The following MYOCD variants were observed in gnomAD, a reference collection of about 807,000 sequenced individuals.
The protein encoded by MYOCD is myocardin.
MYOCD carries 32 observed loss-of-function variants against 96.1 expected under a neutral mutation model. That is an observed-to-expected ratio of 0.33 (90% CI 0.25 to 0.45). MYOCD has a LOEUF of 0.45. Ranked by LOEUF, MYOCD falls within the 20% of genes least tolerant of loss-of-function variation. MYOCD has a pLI of 1.00. For synonymous variants in MYOCD, 469 were observed against 469.0 expected (o/e 1.00, Z 0.00); for missense variants, 1,133 against 1,200.6 (o/e 0.94, Z 0.83).
chr17:12,673,048 T>G (rs1882296593), intron 1 of MYOCD, among the ~76,000 whole-genome samples: 1 of 152,154 alleles, frequency 6.6e-6, no homozygotes, highest in African/African-American at 2.4e-5. Flanking sequence ...ATATCCTCAT[T>G]TCACAGATGA....
chr17:12,725,718 C>G (rs1167445584), intron 5 of MYOCD, among the ~76,000 whole-genome samples: 1 of 151,236 alleles, frequency 6.6e-6, no homozygotes, highest in Non-Finnish European at 1.5e-5. Context: ...GTTATAATGT[C>G]TTATATTGAT....
At chr17:12,676,593 C>G (rs1910073533) in intron 1 of MYOCD, among the ~76,000 whole-genome samples, 1 of 151,760 alleles carries the variant, frequency 6.6e-6, no homozygotes, top group South Asian at 2.1e-4. Flanking sequence ...TTAACAATAC[C>G]ATATTTGCAT....
rs906048532 is a variant in MYOCD, at chr17:12,765,736, G to A, written c.*2092G>A. On this transcript the variant is annotated 3_prime_UTR_variant, in exon 14 of 14. Coordinates refer to ENST00000425538, the MANE Select transcript of MYOCD (RefSeq NM_001146312.3). The stretch of plus-strand genomic sequence containing the variant: ...CGTTGCCTCTCTGTGTATGACTAAC[G>A]GCTCCAACCCGATGACTCACAGCTA... The A allele has an allele frequency of 2.0e-5, 3 of 152,118 alleles. No individual in the cohort carries two copies. Among genetic ancestry groups the A allele is most frequent in the Admixed American group, 1.3e-4 (2 of 15,274 alleles). 9.4% of individuals were successfully genotyped at this position (152,118 alleles called of 1,614,324 possible).
chr17:12,714,344 C>CACACAT (rs2031571735), intron 2 of MYOCD, among the ~76,000 whole-genome samples: 2 of 151,524 alleles, frequency 1.3e-5, no homozygotes, highest in Admixed American at 1.3e-4. Context: ...CACACACACA[C>CACACAT]ACACACACAC....
In MYOCD at chr17:12,764,668, C is replaced by A. The variant is rs931474712; in HGVS notation, c.*1024C>A. On this transcript the variant is annotated 3_prime_UTR_variant, in exon 14 of 14. Transcript: ENST00000425538. ...ACTTCTCCTTTTGTTTTGTTATTATCAGTTTATCTTTCTCCCACTCCACTT... is the reference window on the plus strand; with the variant it reads ...ACTTCTCCTTTTGTTTTGTTATTATAAGTTTATCTTTCTCCCACTCCACTT... 1 of 152,192 alleles carries A rather than the reference C, an allele frequency of 6.6e-6. No individual in the cohort carries two copies. The highest frequency in any genetic ancestry group is 2.4e-5 in the African/African-American group (1 of 41,458). 9.4% of individuals were successfully genotyped at this position (152,192 alleles called of 1,614,324 possible).
At position 12,752,607 on chromosome 17, in the gene MYOCD, G is replaced by C; in HGVS notation, c.1319G>C (p.Ser440Thr). 1 of 1,614,074 alleles carries C rather than the reference G, an allele frequency of 6.2e-7. No individual in the cohort carries two copies. Among genetic ancestry groups the C allele is most frequent in the Non-Finnish European group, 8.5e-7 (1 of 1,180,008 alleles). The change falls in exon 10 of 14, where the codon AGT (serine) becomes ACT (threonine). Residue 440 changes from serine to threonine, a missense_variant. Ser to Thr is a moderately conservative substitution (Grantham distance 58, BLOSUM62 1). Coordinates refer to ENST00000425538, the MANE Select transcript of MYOCD (RefSeq NM_001146312.3). ...LPNYQSSSST[S>T]ALSNGFYHFG... is the part of the protein sequence containing the mutation. ...AATTACCAGTCTTCCTCTTCTACCAGTGCCCTGTCCAACGGCTTCTACCAC... is the reference window on the plus strand; with the variant it reads ...AATTACCAGTCTTCCTCTTCTACCACTGCCCTGTCCAACGGCTTCTACCAC...
At chr17:12,718,129 T>C (rs1164850589) in intron 4 of MYOCD, among the ~76,000 whole-genome samples, 1 of 152,112 alleles carries the variant, frequency 6.6e-6, no homozygotes, top group Non-Finnish European at 1.5e-5. Flanking sequence ...CTGTATTGGG[T>C]GTCTGCTAGG....
chr17:12,714,961 C>T (rs979205154), intron 2 of MYOCD, among the ~76,000 whole-genome samples: 2 of 152,144 alleles, frequency 1.3e-5, no homozygotes, highest in Non-Finnish European at 2.9e-5. Context: ...TTCCCTGTCT[C>T]CAAGGTTCCT....
intron 5 of MYOCD, among the ~76,000 whole-genome samples, chr17:12,734,586 C>A (rs2032285103): frequency 1.5e-5 from 2 of 137,050 alleles, no homozygotes. Context: ...TCTCTGCTGA[C>A]TGCAACCACT....
chr17:12,666,230 C>A lies in MYOCD; in HGVS notation c.42C>A (p.Ser14Arg), dbSNP rs1435042772. 6.2e-7 allele frequency: 1 copy of A among 1,612,500 alleles called. No individual in the cohort carries two copies. Residue 14 changes from serine (S) to arginine (R), a missense_variant, in exon 1 of 14, where the codon AGC becomes AGA. Physicochemically the swap from Ser to Arg is moderately radical, Grantham distance 110. Coordinates refer to ENST00000425538, the MANE Select transcript of MYOCD (RefSeq NM_001146312.3). ...CTGAGCATTCCTTGCTGATTAGGAG[C>A]AAGTTCAGATCAGGTAGGGCTAAGG... ...LGSEHSLLIR[S>R]KFRSVLQLRL...
At position 12,754,309 on chromosome 17, in the gene MYOCD, G is replaced by A. The variant is rs185927208; in HGVS notation, c.2058+963G>A. Among the ~76,000 whole-genome samples the A allele has an allele frequency of 3.7e-3, 570 of 152,216 alleles. 1 individual carries two copies. The highest frequency in any genetic ancestry group is 6.8e-3 in the Middle Eastern group (2 of 294). On this transcript the variant is annotated intron_variant, in intron 10 of 13. Coordinates refer to ENST00000425538, the MANE Select transcript of MYOCD (RefSeq NM_001146312.3). ...AGTAGAGACAGAGTTTCACCATGTT[G>A]GCCAGGCTGGTCTCTAACTCCTGAC...
chr17:12,752,788 C>T lies in MYOCD; in HGVS notation c.1500C>T (p.Ser500=), dbSNP rs753360596. The T allele has an allele frequency of 6.2e-7, 1 of 1,613,932 alleles. No homozygotes were observed. The highest frequency in any genetic ancestry group is 8.5e-7 in the Non-Finnish European group (1 of 1,180,006). The change falls in exon 10 of 14, where the codon AGC becomes AGT. Residue 500 remains serine (S), a synonymous_variant. Transcript: ENST00000425538. ...HVCTEESLMS[S]LNGGSVPSEL... is the part of the protein sequence containing the mutation. ...GCACGGAGGAAAGTCTCATGAGCAG[C>T]CTGAATGGGGGCTCTGTTCCTTCTG...
At position 12,763,235 on chromosome 17, in the gene MYOCD, G is replaced by A. The variant is rs2033236559; in HGVS notation, c.2552G>A (p.Ser851Asn). ...QIPFDPYATD[S>N]DEHLEVLLNS... is the part of the protein sequence containing the mutation. ...CCCTTTGATCCCTATGCCACCGACAGTGATGAGCATCTTGAAGTCTTATTA... is the reference window on the plus strand; with the variant it reads ...CCCTTTGATCCCTATGCCACCGACAATGATGAGCATCTTGAAGTCTTATTA... Residue 851 changes from serine to asparagine, a missense_variant, in exon 14 of 14, where the codon AGT (serine) becomes AAT (asparagine). By Grantham distance (46) the Ser-to-Asn change is conservative (BLOSUM62 1). Coordinates refer to ENST00000425538, the MANE Select transcript of MYOCD (RefSeq NM_001146312.3). The A allele has an allele frequency of 1.2e-6, 2 of 1,614,028 alleles. No homozygotes were observed. Among genetic ancestry groups the A allele is most frequent in the Middle Eastern group, 1.6e-4 (1 of 6,084 alleles).
At chr17:12,695,971 T>C (rs1368933938) in intron 1 of MYOCD, among the ~76,000 whole-genome samples, 1 of 152,094 alleles carries the variant, frequency 6.6e-6, no homozygotes, top group Non-Finnish European at 1.5e-5. Context: ...CTTATCTCAC[T>C]CAGCATCATG....
intron 2 of MYOCD, 47 bp from the exon 3 acceptor site, chr17:12,715,472 A>G (rs1255875860): frequency 1.9e-6 from 3 of 1,565,006 alleles, no homozygotes; most frequent in Non-Finnish European, 2.6e-6. Flanking sequence ...ATACAGACCA[A>G]TGCCCTTAAC....
Position 12,666,036 on chromosome 17 carries a change from C to G in MYOCD, c.-153C>G, listed in dbSNP as rs1284421413. Reference sequence around the variant, plus strand: ...GGGAGGCGCCAGTTTTCTGGGGACACTGGCTGCCACTGTACTCCTACCCAG... The same window carrying G: ...GGGAGGCGCCAGTTTTCTGGGGACAGTGGCTGCCACTGTACTCCTACCCAG... On this transcript the variant is annotated 5_prime_UTR_variant, in exon 1 of 14. Coordinates refer to ENST00000425538, the MANE Select transcript of MYOCD (RefSeq NM_001146312.3). 4 of 571,158 alleles carry G rather than the reference C, an allele frequency of 7.0e-6. No homozygotes were observed. The highest frequency in any genetic ancestry group is 5.7e-5 in the African/African-American group (3 of 52,242). 35.4% of individuals were successfully genotyped at this position (571,158 alleles called of 1,614,324 possible).
chr17:12,717,626 G>A (rs1478221097), intron 4 of MYOCD, among the ~76,000 whole-genome samples: 1 of 152,226 alleles, frequency 6.6e-6, no homozygotes, highest in East Asian at 1.9e-4. Context: ...GCGGGTTAGA[G>A]ACTTGGGCTC....
In MYOCD at chr17:12,754,433, G is replaced by A. The variant is rs557275350; in HGVS notation, c.2058+1087G>A. ...TTGCAACTTTAAATAGAAGAGCCAG[G>A]GACGTTTAGCAAAACCTTGAAAGCA... On this transcript the variant is annotated intron_variant, in intron 10 of 13. Transcript: ENST00000425538. 2.9e-4 allele frequency among the ~76,000 whole-genome samples: 44 copies of A among 152,264 alleles called. No homozygotes were observed. The South Asian group carries it at 8.7e-3, about 30-fold the overall frequency.
intron 6 of MYOCD, among the ~76,000 whole-genome samples, chr17:12,737,399 A>G (rs1015526548): frequency 3.9e-5 from 6 of 152,234 alleles, no homozygotes; most frequent in South Asian, 4.1e-4. Flanking sequence ...AGTAGGTATC[A>G]TCGAGGTTGA....
Sources: allele counts gnomAD v4.1 joint callset (sites outside exome capture counted in the v4.1 genomes callset), GRCh38; gene constraint gnomAD v4.1.1; transcripts MANE v1.5; gene names NCBI Gene and HGNC (gene_info 2026-07-23, HGNC 2026-07-21).